Variants in C2CD3 observed in about 807,000 individuals in gnomAD.
C2CD3 encodes C2 domain-containing protein 3.
Under a neutral mutation model 234.0 loss-of-function variants are expected in C2CD3, and 148 were observed. That is an observed-to-expected ratio of 0.63 (90% confidence interval 0.55 to 0.72). The LOEUF is 0.72. C2CD3 is among the 30% of genes least tolerant of loss of function. C2CD3 has a pLI of 0.00. For missense variants in C2CD3, 2,577 were observed against 2,811.5 expected, an observed-to-expected ratio of 0.92 and a Z score of 1.89; for synonymous variants, 1,000 against 1,035.4, an observed-to-expected ratio of 0.97 and a Z score of 0.66.
rs145873434 is a variant in C2CD3 at position 74,075,808 on chromosome 11, T to G, written c.4604-1208A>C. On this transcript the variant is annotated intron_variant, in intron 23 of 32. Coordinates refer to ENST00000334126, the MANE Select transcript of C2CD3 (RefSeq NM_001286577.2). The stretch of plus-strand genomic sequence containing the variant: ...AAGCAACACAGTTAAATCCTTATCC[T>G]CAGGAAAATGAATAAAACATGGAAG... 2.9e-4 allele frequency among the ~76,000 whole-genome samples: 44 copies of G among 152,272 alleles called. No individual in the cohort carries two copies. In the East Asian group the frequency reaches 8.3e-3, roughly 29 times the overall value.
At chr11:74,134,090 T>C (rs1013116920) in intron 5 of C2CD3, among the ~76,000 whole-genome samples, 22 of 152,302 alleles carry the variant, frequency 1.4e-4, no homozygotes, top group African/African-American at 5.1e-4. Flanking sequence ...AATACACTTA[T>C]GGAATGTTTA....
In C2CD3 at chr11:74,049,561, A is replaced by G. The variant is rs1953573017; in HGVS notation, c.5156-19T>C. On this transcript the variant is annotated intron_variant, in intron 26 of 32. Coordinates refer to ENST00000334126, the MANE Select transcript of C2CD3 (RefSeq NM_001286577.2). Reference sequence around the variant, plus strand: ...TCCTCATCTGTAGAGGAAAGAGAAGAGCTGGGCAATGTGGCTAGGCATGTC... The same window carrying G: ...TCCTCATCTGTAGAGGAAAGAGAAGGGCTGGGCAATGTGGCTAGGCATGTC... The G allele has an allele frequency of 6.2e-7, 1 of 1,604,298 alleles. No individual in the cohort carries two copies. The highest frequency in any genetic ancestry group is 8.5e-7 in the Non-Finnish European group (1 of 1,173,512).
At chr11:74,088,066 G>T (rs185346930) in intron 20 of C2CD3, among the ~76,000 whole-genome samples, 19 of 152,244 alleles carry the variant, frequency 1.2e-4, no homozygotes. Context: ...TTCAAGAGGG[G>T]TAAGTTTAGA....
chr11:74,070,190 A>G (rs826037), intron 24 of C2CD3, among the ~76,000 whole-genome samples: 6,957 of 152,290 alleles, frequency 0.046, 468 homozygotes, highest in African/African-American at 0.15. Flanking sequence ...AAGAGTATTG[A>G]AGCTGATCTT....
rs778984341 is a variant in C2CD3, at chr11:74,106,448, G to A, written c.2008C>T (p.Gln670Ter). ...SVSLSLRAVIQSELLSFSDQL... is the reference protein window; with the variant it reads ...SVSLSLRAVI The stretch of plus-strand genomic sequence containing the variant: ...TCACTGAAAGAAAGCAGCTCTGATT[G>A]AATGACAGCTCGCAAAGAAAGTGAC... The change falls in exon 13 of 33, where the codon CAA (glutamine) becomes TAA (stop). Residue 670 changes from glutamine (Q) to a stop codon, truncating the protein, a stop_gained. Transcript: ENST00000334126. LOFTEE classifies it high-confidence loss of function. The A allele has an allele frequency of 6.2e-7, 1 of 1,613,896 alleles. No individual in the cohort carries two copies. Among genetic ancestry groups the A allele is most frequent in the Admixed American group, 1.7e-5 (1 of 60,014 alleles).
intron 24 of C2CD3, among the ~76,000 whole-genome samples, chr11:74,067,751 C>T (rs907541502): frequency 2.0e-5 from 3 of 152,180 alleles, no homozygotes; most frequent in Non-Finnish European, 4.4e-5. Flanking sequence ...CCACCCCCAC[C>T]TACTTTTATT....
intron 22 of C2CD3, among the ~76,000 whole-genome samples, chr11:74,079,940 C>T (rs907436338): frequency 2.6e-5 from 4 of 152,082 alleles, no homozygotes; most frequent in African/African-American, 9.7e-5. Context: ...GTCATATGGT[C>T]TCTACTGCAG....
chr11:74,076,336 G>A (rs826062), intron 23 of C2CD3, among the ~76,000 whole-genome samples: 83,494 of 152,024 alleles, frequency 0.55, 23,377 homozygotes, highest in African/African-American at 0.68. Context: ...GCACAGGGCT[G>A]ATAGGGCTAA....
At chr11:74,022,206 GTGGCAGAATTAACAGGCCT>G (rs1454203122) in intron 32 of C2CD3, among the ~76,000 whole-genome samples, 2 of 152,170 alleles carry the variant, frequency 1.3e-5, no homozygotes, top group Non-Finnish European at 2.9e-5. Flanking sequence ...AGATGCTTAG[GTGGCAGAATTAACAGGCCT>G]TGGTGATGTG....
chr11:74,167,007 C>T (rs1565364421), intron 2 of C2CD3, among the ~76,000 whole-genome samples: 4 of 152,256 alleles, frequency 2.6e-5, no homozygotes, highest in South Asian at 4.1e-4. Context: ...GATGTCAACC[C>T]GTTCAACCGG....
chr11:74,098,178 T>C lies in C2CD3; in HGVS notation c.2810A>G (p.Asp937Gly). Reference sequence around the variant, plus strand: ...CCCATTTTGGTGGCCTGAAAACACATCAATCACAGGCATGTAGCTGTCGAC... The same window carrying C: ...CCCATTTTGGTGGCCTGAAAACACACCAATCACAGGCATGTAGCTGTCGAC... Reference protein sequence around the residue: ...VAVDSYMPVIDVFSGHQNGSL... With the variant: ...VAVDSYMPVIGVFSGHQNGSL... The change falls in exon 16 of 33, where the codon GAT becomes GGT. Residue 937 changes from aspartate to glycine, a missense_variant. By Grantham distance (94) the Asp-to-Gly change is moderately conservative. Coordinates refer to ENST00000334126, the MANE Select transcript of C2CD3 (RefSeq NM_001286577.2). 1 of 1,614,016 alleles carries C rather than the reference T, an allele frequency of 6.2e-7. No individual in the cohort carries two copies. The highest frequency in any genetic ancestry group is 8.5e-7 in the Non-Finnish European group (1 of 1,179,916).
chr11:74,042,511 G>T (rs771903365), intron 28 of C2CD3, among the ~76,000 whole-genome samples: 1 of 152,032 alleles, frequency 6.6e-6, no homozygotes, highest in Admixed American at 6.6e-5. Flanking sequence ...CCAGCACTTT[G>T]GGGGGCTGAG....
chr11:74,118,163 G>T lies in C2CD3; in HGVS notation c.1520+65C>A, dbSNP rs988568793. 2.3e-6 allele frequency: 3 copies of T among 1,327,544 alleles called. No homozygotes were observed. The East Asian group carries it at 7.0e-5, about 31-fold the overall frequency. 82.2% of individuals were successfully genotyped at this position (1,327,544 alleles called of 1,614,324 possible). A position where few individuals can be genotyped will look rare whatever the true frequency, so the allele number is the denominator to read the frequency against. On this transcript the variant is annotated intron_variant, in intron 9 of 32. Coordinates refer to ENST00000334126, the MANE Select transcript of C2CD3 (RefSeq NM_001286577.2). ...CTGGGCAAATGGGTCATTTCACCTT[G>T]GGAGATCTTGTGAAAATAACATTCC...
chr11:74,163,335 T>C (rs932440454), intron 2 of C2CD3, among the ~76,000 whole-genome samples: 2 of 152,232 alleles, frequency 1.3e-5, no homozygotes, highest in African/African-American at 2.4e-5. Flanking sequence ...CACATGGTAG[T>C]TGCTGAATGG....
chr11:74,104,151 T>A (rs1956424747), intron 13 of C2CD3, among the ~76,000 whole-genome samples: 1 of 152,152 alleles, frequency 6.6e-6, no homozygotes, highest in Admixed American at 6.5e-5. Flanking sequence ...TTAACCCCAG[T>A]GGAGGAACAT....
At chr11:74,112,641 C>A (rs1448323520) in intron 11 of C2CD3, among the ~76,000 whole-genome samples, 1 of 152,080 alleles carries the variant, frequency 6.6e-6, no homozygotes, top group Admixed American at 6.6e-5. Flanking sequence ...AACAAAGGAT[C>A]TGAATAGACA....
chr11:74,122,903 A>G, intron 8 of C2CD3, 85 bp downstream of exon 8: 1 of 651,558 alleles, frequency 1.5e-6, no homozygotes, highest in South Asian at 2.1e-5. Flanking sequence ...AGTTATGTAA[A>G]ATGCATAGCT....
chr11:74,169,919 C>G (rs760209353), intron 1 of C2CD3, among the ~76,000 whole-genome samples: 12 of 152,204 alleles, frequency 7.9e-5, no homozygotes, highest in Admixed American at 2.0e-4. Context: ...CCCAATACTT[C>G]TTTTCTCGCT....
At chr11:74,071,474 T>C (rs937613451) in intron 24 of C2CD3, among the ~76,000 whole-genome samples, 10 of 152,244 alleles carry the variant, frequency 6.6e-5, no homozygotes, top group Non-Finnish European at 7.3e-5. Context: ...TCTTTGAGTA[T>C]AGACCTGCCC....
Sources: allele counts gnomAD v4.1 joint callset (sites outside exome capture counted in the v4.1 genomes callset), GRCh38; gene constraint gnomAD v4.1.1; transcripts MANE v1.5; gene names NCBI Gene and HGNC (gene_info 2026-07-23, HGNC 2026-07-21).